The following STK39 variants were observed in gnomAD, a reference collection of about 807,000 sequenced individuals.
STK39 encodes STE20/SPS1-related proline-alanine-rich protein kinase.
Under a neutral mutation model 77.8 loss-of-function variants are expected in STK39, and 20 were observed. That is an observed-to-expected ratio of 0.26 (90% CI 0.18 to 0.37). STK39 has a LOEUF of 0.37. STK39 is among the 10% of genes least tolerant of loss of function. The pLI is 1.00. For synonymous variants in STK39, 246 were observed against 234.1 expected (o/e 1.05, Z -0.47); for missense variants, 479 against 656.5 (o/e 0.73, Z 2.95).
intron 7 of STK39, 121 bp from the exon 8 acceptor site, chr2:168,138,342 A>G: frequency 3.8e-6 from 5 of 1,322,340 alleles, no homozygotes; most frequent in Non-Finnish European, 5.0e-6. Flanking sequence ...CTTTCCCATG[A>G]TTTTAACTTT....
intron 15 of STK39, among the ~76,000 whole-genome samples, chr2:168,015,203 G>C (rs1490534352): frequency 6.6e-6 from 1 of 152,150 alleles, no homozygotes; most frequent in Non-Finnish European, 1.5e-5. Context: ...ATTAATTTCT[G>C]GTTTCCAGAG....
At chr2:168,142,620 C>T (rs1351273973) in intron 5 of STK39, among the ~76,000 whole-genome samples, 1 of 152,200 alleles carries the variant, frequency 6.6e-6, no homozygotes, top group Admixed American at 6.5e-5. Flanking sequence ...AGTTAGAAAA[C>T]AGCCGAAAAA....
At chr2:168,191,568 T>C (rs931974421) in intron 1 of STK39, among the ~76,000 whole-genome samples, 7 of 152,096 alleles carry the variant, frequency 4.6e-5, no homozygotes, top group African/African-American at 1.7e-4. Flanking sequence ...TAACCCTATA[T>C]CCAACCTACT....
At chr2:168,125,512 A>G (rs1192213211) in intron 10 of STK39, among the ~76,000 whole-genome samples, 17 of 152,164 alleles carry the variant, frequency 1.1e-4, no homozygotes, top group Non-Finnish European at 2.9e-5. Context: ...GCATGTTCTC[A>G]TTTAGAATAT....
chr2:168,147,806 T>G (rs1175568849), intron 5 of STK39, among the ~76,000 whole-genome samples: 2 of 152,192 alleles, frequency 1.3e-5, no homozygotes, highest in Non-Finnish European at 2.9e-5. Flanking sequence ...AGCACCATCT[T>G]CTGCTGCTAA....
intron 2 of STK39, among the ~76,000 whole-genome samples, chr2:168,175,300 C>T (rs1400981802): frequency 6.6e-6 from 1 of 152,184 alleles, no homozygotes; most frequent in East Asian, 1.9e-4. Flanking sequence ...TATATTCAAT[C>T]TGGGCATGTT....
At chr2:168,214,997 CA>C in intron 1 of STK39, among the ~76,000 whole-genome samples, 1 of 152,262 alleles carries the variant, frequency 6.6e-6, no homozygotes, top group East Asian at 1.9e-4. Flanking sequence ...CATCTTTTAT[CA>C]GTCTCTTTTA....
At chr2:168,028,463 A>G (rs1684756389) in intron 14 of STK39, among the ~76,000 whole-genome samples, 1 of 152,150 alleles carries the variant, frequency 6.6e-6, no homozygotes, top group African/African-American at 2.4e-5. Flanking sequence ...AGCATTTAGG[A>G]TGTCTAGTGA....
At chr2:168,012,266 A>G (rs887911466) in intron 16 of STK39, among the ~76,000 whole-genome samples, 4 of 151,728 alleles carry the variant, frequency 2.6e-5, no homozygotes, top group African/African-American at 9.7e-5. Flanking sequence ...TCAGCCTCCC[A>G]GGTTCAAGCG....
chr2:168,018,831 T>C (rs1278176222), intron 14 of STK39, among the ~76,000 whole-genome samples: 1 of 152,120 alleles, frequency 6.6e-6, no homozygotes, highest in Admixed American at 6.5e-5. Context: ...TTTGGTTCTT[T>C]ATGTCCTACC....
At chr2:168,232,558 G>A (rs1182278093) in intron 1 of STK39, among the ~76,000 whole-genome samples, 1 of 152,146 alleles carries the variant, frequency 6.6e-6, no homozygotes, top group East Asian at 1.9e-4. Context: ...CATAAAGACT[G>A]TTTAAGCAAA....
intron 10 of STK39, among the ~76,000 whole-genome samples, chr2:168,109,836 T>A (rs972534938): frequency 2.0e-5 from 3 of 152,260 alleles, no homozygotes; most frequent in African/African-American, 7.2e-5. Context: ...TTTGATATAA[T>A]CCTGAGCCAT....
At chr2:168,061,128 T>G (rs2105380937) in intron 14 of STK39, among the ~76,000 whole-genome samples, 1 of 152,212 alleles carries the variant, frequency 6.6e-6, no homozygotes, top group African/African-American at 2.4e-5. Flanking sequence ...TTTAAAAAAA[T>G]CAGCTGTTTT....
chr2:168,092,579 G>A (rs1275640261), intron 10 of STK39, among the ~76,000 whole-genome samples: 4 of 152,112 alleles, frequency 2.6e-5, no homozygotes, highest in South Asian at 2.1e-4. Flanking sequence ...ATAAAATACC[G>A]TTTAAAAAAT....
chr2:167,972,733 T>G (rs1171909714), intron 16 of STK39, among the ~76,000 whole-genome samples: 2 of 152,164 alleles, frequency 1.3e-5, no homozygotes, highest in Non-Finnish European at 1.5e-5. Context: ...AAAGTAGATA[T>G]TAAAGCTTTA....
chr2:168,138,997 AGCC>A (rs1490676164), intron 7 of STK39, among the ~76,000 whole-genome samples: 2 of 152,248 alleles, frequency 1.3e-5, no homozygotes, highest in African/African-American at 4.8e-5. Flanking sequence ...TGCATAATTC[AGCC>A]TTAATTTATG....
chr2:168,093,059 A>C (rs573742937), intron 10 of STK39, among the ~76,000 whole-genome samples: 2 of 152,300 alleles, frequency 1.3e-5, no homozygotes, highest in East Asian at 3.9e-4. Context: ...GCCCTGCAAG[A>C]ATCTCTCGCT....
At chr2:168,092,153 A>G (rs1001386381) in intron 10 of STK39, among the ~76,000 whole-genome samples, 4 of 152,198 alleles carry the variant, frequency 2.6e-5, no homozygotes, top group Admixed American at 6.5e-5. Flanking sequence ...GTTTCAGCCA[A>G]AAGGACAGAG....
chr2:168,138,056 G>A (rs759744955), intron 8 of STK39, 32 bp downstream of exon 8: 2 of 1,608,208 alleles, frequency 1.2e-6, no homozygotes, highest in Non-Finnish European at 1.7e-6. Context: ...GCTCAAACCA[G>A]GTCATTAACT....
Sources: allele counts gnomAD v4.1 joint callset (sites outside exome capture counted in the v4.1 genomes callset), GRCh38; gene constraint gnomAD v4.1.1; transcripts MANE v1.5; gene names NCBI Gene and HGNC (gene_info 2026-07-23, HGNC 2026-07-21).